Variants in KLF12 observed in about 807,000 individuals in gnomAD.
KLF12 encodes the protein KLF transcription factor 12, also known as Krueppel-like factor 12.
Under a neutral mutation model 37.8 loss-of-function variants are expected in KLF12, and 9 were observed. The ratio of observed to expected loss-of-function variants is 0.24; its 90% CI spans 0.14 to 0.42. The LOEUF is 0.42. Among genes scored for constraint, KLF12 ranks in the 10% least tolerant of loss-of-function variants. The pLI, the probability that KLF12 is intolerant of heterozygous loss-of-function variation, is 1.00. For missense variants in KLF12, 411 were observed against 516.0 expected (o/e 0.80, Z 1.97); for synonymous variants, 208 against 202.1 (o/e 1.03, Z -0.25).
At chr13:73,948,254 C>T (rs1208035218) in intron 2 of KLF12, among the ~76,000 whole-genome samples, 2 of 152,122 alleles carry the variant, frequency 1.3e-5, no homozygotes, top group Non-Finnish European at 1.5e-5. Flanking sequence ...CAGAGTCCCA[C>T]TCTATCACCC....
intron 1 of KLF12, among the ~76,000 whole-genome samples, chr13:74,002,406 A>G (rs1443605099): frequency 6.6e-6 from 1 of 152,172 alleles, no homozygotes; most frequent in Non-Finnish European, 1.5e-5. Context: ...ACAGGGTCTC[A>G]CTCTGTCATC....
Position 73,959,124 on chromosome 13 carries a change from C to CAAAAAA in KLF12, c.34-15060_34-15055dup, listed in dbSNP as rs66521656. Among the ~76,000 whole-genome samples the CAAAAAA allele has an allele frequency of 1.0e-4, 9 of 86,898 alleles. 1 individual carries two copies. The highest frequency in any genetic ancestry group is 5.0e-4 in the Admixed American group (4 of 7,994). 57.0% of individuals were successfully genotyped at this position (86,898 alleles called of 152,430 possible). On this transcript the variant is annotated intron_variant, in intron 2 of 7. Transcript: ENST00000377669. ...ATCTCTGACCTCCACACCCCCCTTCCAAAAAAAAACGCAGGCAAGAAAGAC... is the reference window on the plus strand; with the variant it reads ...ATCTCTGACCTCCACACCCCCCTTCCAAAAAAAAAAAAAAACGCAGGCAAGAAAGAC...
chr13:73,859,065 A>C (rs917077514), intron 3 of KLF12, among the ~76,000 whole-genome samples: 1 of 152,182 alleles, frequency 6.6e-6, no homozygotes, highest in Admixed American at 6.5e-5. Context: ...AAACCCAGAA[A>C]ACTGGGTTCA....
chr13:73,777,176 G>A (rs1030954299), intron 5 of KLF12, among the ~76,000 whole-genome samples: 1 of 152,180 alleles, frequency 6.6e-6, no homozygotes, highest in Non-Finnish European at 1.5e-5. Context: ...TACAGCTTTT[G>A]TGCAGGCGTG....
intron 5 of KLF12, among the ~76,000 whole-genome samples, chr13:73,768,837 T>A (rs573043547): frequency 5.9e-5 from 9 of 152,218 alleles, no homozygotes; most frequent in African/African-American, 7.2e-5. Flanking sequence ...AAGTCAGGAT[T>A]TAAACACAGG....
At chr13:74,222,861 C>T in the KLF12 span, among the ~76,000 whole-genome samples, 1 of 151,652 alleles carries the variant, frequency 6.6e-6, no homozygotes, top group African/African-American at 2.4e-5. Context: ...AGTTTCAGAA[C>T]CTAGTACAGT....
chr13:73,870,926 T>TGG (rs1886431950), intron 3 of KLF12, among the ~76,000 whole-genome samples: 1 of 152,108 alleles, frequency 6.6e-6, no homozygotes, highest in Non-Finnish European at 1.5e-5. Context: ...CTGGGATCAG[T>TGG]GGGGGGCAGG....
chr13:74,224,582 G>A, the KLF12 span, among the ~76,000 whole-genome samples: 10 of 152,080 alleles, frequency 6.6e-5, no homozygotes, highest in Admixed American at 3.9e-4. Context: ...TATTACATAC[G>A]TTGTAGCATA....
chr13:74,247,544 C>G, the KLF12 span, among the ~76,000 whole-genome samples: 1 of 152,208 alleles, frequency 6.6e-6, no homozygotes, highest in Non-Finnish European at 1.5e-5. Context: ...CCTCATAGCA[C>G]TTTCTCTTGT....
At chr13:74,185,047 T>C in the KLF12 span, among the ~76,000 whole-genome samples, 1 of 152,174 alleles carries the variant, frequency 6.6e-6, no homozygotes, top group Non-Finnish European at 1.5e-5. Flanking sequence ...ACTGGTGGTA[T>C]AGACGAATAT....
intron 5 of KLF12, among the ~76,000 whole-genome samples, chr13:73,785,318 T>C (rs1048863276): frequency 2.6e-5 from 4 of 152,038 alleles, no homozygotes; most frequent in Non-Finnish European, 5.9e-5. Context: ...CTCCCTATGT[T>C]ATCCAGGCTG....
intron 1 of KLF12, among the ~76,000 whole-genome samples, chr13:74,007,339 G>A (rs996486214): frequency 6.6e-6 from 1 of 151,408 alleles, no homozygotes; most frequent in Admixed American, 6.6e-5. Flanking sequence ...GCAGTGGCGC[G>A]ATCTCGGCTC....
chr13:73,711,151 T>C (rs960363585), intron 7 of KLF12, among the ~76,000 whole-genome samples: 2 of 152,182 alleles, frequency 1.3e-5, no homozygotes, highest in African/African-American at 2.4e-5. Flanking sequence ...AGTTGGAAGC[T>C]AGCGGAGGTT....
chr13:74,267,116 G>A, the KLF12 span, among the ~76,000 whole-genome samples: 2 of 152,186 alleles, frequency 1.3e-5, no homozygotes, highest in African/African-American at 2.4e-5. Flanking sequence ...TGTAGCAATG[G>A]TGATAGTGAA....
At chr13:74,175,590 C>T in the KLF12 span, among the ~76,000 whole-genome samples, 1 of 152,072 alleles carries the variant, frequency 6.6e-6, no homozygotes, top group Admixed American at 6.5e-5. Flanking sequence ...AATCCAGGGC[C>T]CAATATATTT....
chr13:73,924,804 A>G (rs551112986), intron 3 of KLF12, among the ~76,000 whole-genome samples: 3 of 152,382 alleles, frequency 2.0e-5, no homozygotes, highest in Admixed American at 2.0e-4. Flanking sequence ...AAAGTTCCTG[A>G]AAGAAATTAA....
chr13:74,020,434 T>C (rs1267061700), intron 1 of KLF12, among the ~76,000 whole-genome samples: 1 of 152,178 alleles, frequency 6.6e-6, no homozygotes, highest in Non-Finnish European at 1.5e-5. Context: ...AATAGGAAGC[T>C]TGACAAAAGG....
At chr13:74,042,644 C>T (rs891452635) in intron 1 of KLF12, among the ~76,000 whole-genome samples, 1 of 151,958 alleles carries the variant, frequency 6.6e-6, no homozygotes, top group Non-Finnish European at 1.5e-5. Flanking sequence ...AATGGATTGC[C>T]GAGTCTTAAC....
chr13:74,090,163 CAAAATT>C (rs1875565939), intron 1 of KLF12, among the ~76,000 whole-genome samples: 4 of 151,446 alleles, frequency 2.6e-5, no homozygotes, highest in Admixed American at 2.6e-4. Context: ...GATCCAAAAA[CAAAATT>C]AAAACAATTA....
Sources: gnomAD v4.1 joint callset for allele counts (sites outside exome capture counted in the v4.1 genomes callset) on GRCh38, gnomAD v4.1.1 for gene constraint, MANE v1.5 for transcripts, NCBI Gene and HGNC (gene_info 2026-07-23, HGNC 2026-07-21) for gene names.